The following CLVS1 variants were observed in gnomAD, a reference collection of about 807,000 sequenced individuals.
CLVS1 encodes clavesin-1.
CLVS1 carries 10 observed loss-of-function variants against 33.1 expected under a neutral mutation model. The observed-to-expected ratio is 0.30, with a 90% confidence interval of 0.19 to 0.51. The LOEUF (loss-of-function observed/expected upper bound fraction) is 0.51. Ranked by LOEUF, CLVS1 falls within the 20% of genes least tolerant of loss-of-function variation. CLVS1 has a pLI of 0.97. For synonymous variants in CLVS1, 163 were observed against 166.1 expected (o/e 0.98, Z 0.14); for missense variants, 343 against 433.4 (o/e 0.79, Z 1.85).
At chr8:61,480,671 C>T (rs181148502) in intron 5 of CLVS1, among the ~76,000 whole-genome samples, 46 of 152,270 alleles carry the variant, frequency 3.0e-4, no homozygotes, top group African/African-American at 8.4e-4. Flanking sequence ...TCTTCTGCGT[C>T]GCTTCTGCTG....
At chr8:61,344,536 T>G (rs1314117636) in intron 2 of CLVS1, among the ~76,000 whole-genome samples, 1 of 152,122 alleles carries the variant, frequency 6.6e-6, no homozygotes, top group East Asian at 1.9e-4. Context: ...AGTAATCTGG[T>G]TCTACTGGAT....
At chr8:61,259,931 C>G (rs1475553019) in intron 2 of CLVS1, among the ~76,000 whole-genome samples, 1 of 152,220 alleles carries the variant, frequency 6.6e-6, no homozygotes, top group East Asian at 1.9e-4. Flanking sequence ...CACCACCTTA[C>G]ATTTCCTCCT....
chr8:61,462,394 G>GT (rs1228423644), intron 5 of CLVS1, among the ~76,000 whole-genome samples: 4 of 151,984 alleles, frequency 2.6e-5, no homozygotes, highest in East Asian at 1.9e-4. Context: ...GTTTTGTTTT[G>GT]TTTTTTTGAG....
chr8:60,971,781 T>C, the CLVS1 span, among the ~76,000 whole-genome samples: 3 of 152,162 alleles, frequency 2.0e-5, no homozygotes, highest in Non-Finnish European at 2.9e-5. Flanking sequence ...CTGCCAGCAT[T>C]CTGAGAACTG....
chr8:61,398,205 A>T, intron 3 of CLVS1, among the ~76,000 whole-genome samples: 1 of 142,832 alleles, frequency 7.0e-6, no homozygotes, highest in African/African-American at 2.6e-5. Context: ...TTTTTGAGAC[A>T]GAGTCTTGCT....
intron 2 of CLVS1, among the ~76,000 whole-genome samples, chr8:61,331,365 A>T (rs1453217617): frequency 6.6e-6 from 1 of 151,974 alleles, no homozygotes; most frequent in East Asian, 1.9e-4. Flanking sequence ...TGAGCACTCT[A>T]TGAGCCCATT....
intron 5 of CLVS1, among the ~76,000 whole-genome samples, chr8:61,484,846 G>A (rs552794253): frequency 2.4e-4 from 37 of 152,240 alleles, no homozygotes; most frequent in South Asian, 6.2e-4. Flanking sequence ...AATGGGGAAA[G>A]GATTCCCTAT....
chr8:61,476,501 T>A (rs984146544), intron 5 of CLVS1, among the ~76,000 whole-genome samples: 2 of 152,114 alleles, frequency 1.3e-5, no homozygotes, highest in Admixed American at 6.6e-5. Flanking sequence ...TCTCCTTGAA[T>A]AAGTCCTTCA....
chr8:61,045,429 G>A, the CLVS1 span, among the ~76,000 whole-genome samples: 1 of 152,114 alleles, frequency 6.6e-6, no homozygotes, highest in Non-Finnish European at 1.5e-5. Context: ...AAGGAAGTGT[G>A]GCAGTGTGCA....
chr8:61,295,939 A>C (rs1810190155), intron 1 of CLVS1, among the ~76,000 whole-genome samples: 2 of 152,222 alleles, frequency 1.3e-5, no homozygotes, highest in African/African-American at 4.8e-5. Context: ...ATTATTATTA[A>C]TATTGCCAGC....
At chr8:61,332,865 C>G (rs979338073) in intron 2 of CLVS1, among the ~76,000 whole-genome samples, 4 of 152,168 alleles carry the variant, frequency 2.6e-5, no homozygotes, top group Non-Finnish European at 4.4e-5. Context: ...GAACTCCTGA[C>G]CTCAGGTAAT....
intron 4 of CLVS1, among the ~76,000 whole-genome samples, chr8:61,455,194 G>C (rs1817105118): frequency 1.3e-5 from 2 of 151,812 alleles, no homozygotes. Flanking sequence ...GTGTGTGTGT[G>C]TGTGTGTGTG....
upstream of CLVS1, among the ~76,000 whole-genome samples, chr8:61,056,906 C>T (rs985690450): frequency 9.8e-5 from 15 of 152,292 alleles, no homozygotes; most frequent in African/African-American, 2.2e-4. Flanking sequence ...TGCTTTGCTC[C>T]GCTCAAGGAA....
chr8:61,107,719 C>G (rs144291962), intron 1 of CLVS1, among the ~76,000 whole-genome samples: 3 of 152,218 alleles, frequency 2.0e-5, no homozygotes, highest in Admixed American at 2.0e-4. Context: ...CTCCCCATTG[C>G]GTTACTAAGC....
chr8:61,248,922 CT>C (rs1382797816), intron 2 of CLVS1, among the ~76,000 whole-genome samples: 2 of 151,754 alleles, frequency 1.3e-5, no homozygotes, highest in African/African-American at 2.4e-5. Flanking sequence ...AAATGCACTT[CT>C]TTTTTTTATA....
chr8:61,200,040 G>A (rs1396643385), intron 2 of CLVS1, among the ~76,000 whole-genome samples: 3 of 152,070 alleles, frequency 2.0e-5, no homozygotes, highest in South Asian at 2.1e-4. Flanking sequence ...ATAAACACTC[G>A]GGAGTTAATA....
intron 2 of CLVS1, among the ~76,000 whole-genome samples, chr8:61,346,858 A>C (rs950127440): frequency 2.0e-5 from 3 of 152,184 alleles, no homozygotes; most frequent in African/African-American, 7.2e-5. Flanking sequence ...AATGGAAAGC[A>C]ATTGTTGCAG....
intron 3 of CLVS1, among the ~76,000 whole-genome samples, chr8:61,387,879 AAG>A (rs1249390346): frequency 6.6e-6 from 1 of 152,312 alleles, no homozygotes; most frequent in African/African-American, 2.4e-5. Context: ...TTGTTGATTG[AAG>A]GACATTTGGG....
the CLVS1 span, among the ~76,000 whole-genome samples, chr8:61,008,131 C>T: frequency 3.3e-5 from 5 of 152,274 alleles, no homozygotes; most frequent in South Asian, 2.1e-4. Context: ...AACTTGGATG[C>T]GCAGGACGCA....
Sources: gnomAD v4.1 joint callset for allele counts (sites outside exome capture counted in the v4.1 genomes callset) on GRCh38, gnomAD v4.1.1 for gene constraint, MANE v1.5 for transcripts, NCBI Gene and HGNC (gene_info 2026-07-23, HGNC 2026-07-21) for gene names.